The following ZGPAT variants were observed in gnomAD, a reference collection of about 807,000 sequenced individuals.
ZGPAT encodes zinc finger CCCH-type and G-patch domain containing, also known as zinc finger CCCH-type with G patch domain-containing protein.
A neutral mutation model predicts 47.9 loss-of-function variants in ZGPAT; 39 were observed. That is an observed-to-expected ratio of 0.81 (90% confidence interval 0.63 to 1.06). ZGPAT has a LOEUF of 1.06. Among genes scored for constraint, ZGPAT ranks in the 50% least tolerant of loss-of-function variants. The pLI is 0.00. For missense variants in ZGPAT, 717 were observed against 681.4 expected (o/e 1.05, Z -0.58); for synonymous variants, 348 against 292.9 (o/e 1.19, Z -1.92).
At chr20:63,710,175 C>CA (rs2091650065) in intron 2 of ZGPAT, among the ~76,000 whole-genome samples, 2 of 116,100 alleles carry the variant, frequency 1.7e-5, no homozygotes, top group Admixed American at 1.9e-4. Flanking sequence ...TTTTTGGAGA[C>CA]AGAGTTTCAC....
intron 1 of ZGPAT, chr20:63,708,324 A>G (rs927324531): frequency 3.9e-6 from 1 of 253,542 alleles, no homozygotes; most frequent in Non-Finnish European, 7.5e-6. Flanking sequence ...CCCCGCGGGG[A>G]AGGGGCTCCG....
Position 63,735,563 on chromosome 20 carries a change from C to G in ZGPAT, c.1396C>G (p.Arg466Gly). The change falls in exon 6 of 7, where the codon CGG becomes GGG. Residue 466 changes from arginine to glycine, a missense_variant and splice_region_variant. By Grantham distance (125) the Arg-to-Gly change is moderately radical. Coordinates refer to ENST00000355969, the MANE Select transcript of ZGPAT (RefSeq NM_181485.3). ...GGAGGCTCTCGCCCGCAACGCTGGC[C>G]GGTACGTGTGGGGCCCAGCTCAGGG... ...IQEALARNAG[R>G]HSVASAQLQE... The G allele has an allele frequency of 6.6e-7, 1 of 1,513,696 alleles. No individual in the cohort carries two copies. The highest frequency in any genetic ancestry group is 1.3e-5 in the South Asian group (1 of 74,990). The allele number at this position is 1,513,696 out of a possible 1,614,324, so 93.8% of individuals were successfully genotyped here.
In ZGPAT at chr20:63,733,751, G is replaced by A; in HGVS notation, c.871+12G>A. The A allele has an allele frequency of 1.2e-6, 2 of 1,601,488 alleles. No individual in the cohort carries two copies. Among genetic ancestry groups the A allele is most frequent in the Non-Finnish European group, 1.7e-6 (2 of 1,172,704 alleles). On this transcript the variant is annotated intron_variant, in intron 4 of 6. Transcript: ENST00000355969. ...CAGCTATGCCAGAGGTATGGCAGCA[G>A]CTGCGGAGCCCAGGAGCCAGGAAGG...
Position 63,709,038 on chromosome 20 carries a change from T to G in ZGPAT, c.458T>G (p.Val153Gly), listed in dbSNP as rs780078001. ...CTGGAGTATCACAACGCCATGGTGGTGGGAACGGAAGAGGCGGAGGATGGC... is the reference window on the plus strand; with the variant it reads ...CTGGAGTATCACAACGCCATGGTGGGGGGAACGGAAGAGGCGGAGGATGGC... ...GTLEYHNAMV[V>G]GTEEAEDGSA... Residue 153 changes from valine (V) to glycine (G), a missense_variant, in exon 2 of 7, where the codon GTG becomes GGG. By Grantham distance (109) the Val-to-Gly change is moderately radical. Transcript: ENST00000355969. 1 of 1,613,552 alleles carries G rather than the reference T, an allele frequency of 6.2e-7. No individual in the cohort carries two copies. The highest frequency in any genetic ancestry group is 1.7e-5 in the Admixed American group (1 of 60,018).
intron 2 of ZGPAT, among the ~76,000 whole-genome samples, chr20:63,726,665 G>T (rs2091849274): frequency 6.6e-6 from 1 of 151,358 alleles, no homozygotes; most frequent in Admixed American, 6.6e-5. Flanking sequence ...TGGGACTGCA[G>T]GCACCCTCCA....
chr20:63,731,409 G>A (rs1171036814), intron 2 of ZGPAT, among the ~76,000 whole-genome samples: 2 of 151,700 alleles, frequency 1.3e-5, no homozygotes, highest in Non-Finnish European at 2.9e-5. Context: ...CTTGGTGTGT[G>A]TGTATGTGTG....
intron 2 of ZGPAT, among the ~76,000 whole-genome samples, chr20:63,732,454 T>C (rs1232424657): frequency 2.4e-5 from 2 of 83,312 alleles, no homozygotes; most frequent in Non-Finnish European, 4.9e-5. Flanking sequence ...TAGGTAAGGG[T>C]GCTTGTGTGC....
chr20:63,735,568 C>T lies in ZGPAT; in HGVS notation c.1397+4C>T, dbSNP rs372604095. ...CTCTCGCCCGCAACGCTGGCCGGTA[C>T]GTGTGGGGCCCAGCTCAGGGCAAAG... On this transcript the variant is annotated splice_donor_region_variant and intron_variant, in intron 6 of 6. Transcript: ENST00000355969. 30 of 1,512,546 alleles carry T rather than the reference C, an allele frequency of 2.0e-5. No homozygotes were observed. The African/African-American group carries it at 2.5e-4, about 13-fold the overall frequency. The allele number at this position is 1,512,546 out of a possible 1,614,324, so 93.7% of individuals were successfully genotyped here.
chr20:63,711,526 G>T (rs2091667697), intron 2 of ZGPAT, among the ~76,000 whole-genome samples: 1 of 152,026 alleles, frequency 6.6e-6, no homozygotes, highest in African/African-American at 2.4e-5. Context: ...TGATCTGAAA[G>T]CTTCCGGAGC....
chr20:63,729,034 CTTT>C (rs1054928363), intron 2 of ZGPAT, among the ~76,000 whole-genome samples: 3 of 139,530 alleles, frequency 2.2e-5, no homozygotes, highest in Admixed American at 7.1e-5. Context: ...TTCTTTTTTT[CTTT>C]TTTTTTTTTT....
chr20:63,731,991 T>C (rs1237581090), intron 2 of ZGPAT, among the ~76,000 whole-genome samples: 1 of 152,242 alleles, frequency 6.6e-6, no homozygotes, highest in African/African-American at 2.4e-5. Flanking sequence ...CCTTGGATTT[T>C]GGTTTGCACA....
In ZGPAT at chr20:63,735,808, G is replaced by C. The variant is rs766704368; in HGVS notation, c.1425G>C (p.Gln475His). 37 of 1,610,788 alleles carry C rather than the reference G, an allele frequency of 2.3e-5. No individual in the cohort carries two copies. The South Asian group carries it at 4.1e-4, about 18-fold the overall frequency. ...GRHSVASAQL[Q>H]EKLAGAQRQL... Reference sequence around the variant, plus strand: ...ATAGCGTGGCGTCAGCCCAGCTGCAGGAGAAGCTGGCAGGAGCCCAGCGCC... The same window carrying C: ...ATAGCGTGGCGTCAGCCCAGCTGCACGAGAAGCTGGCAGGAGCCCAGCGCC... The change falls in exon 7 of 7, where the codon CAG becomes CAC. Residue 475 changes from glutamine (Q) to histidine (H), a missense_variant. Coordinates refer to ENST00000355969, the MANE Select transcript of ZGPAT (RefSeq NM_181485.3).
intron 2 of ZGPAT, among the ~76,000 whole-genome samples, chr20:63,721,576 G>T (rs780149948): frequency 1.3e-5 from 2 of 152,110 alleles, no homozygotes; most frequent in Non-Finnish European, 2.9e-5. Flanking sequence ...TGGCCTTCTG[G>T]ATTTCCAAGC....
At position 63,734,687 on chromosome 20, in the gene ZGPAT, T is replaced by C. The variant is rs201732460; in HGVS notation, c.872-18T>C. 106 of 1,612,864 alleles carry C rather than the reference T, an allele frequency of 6.6e-5. No homozygotes were observed. The highest frequency in any genetic ancestry group is 7.3e-5 in the Non-Finnish European group (86 of 1,179,482). On this transcript the variant is annotated intron_variant, in intron 4 of 6. Coordinates refer to ENST00000355969, the MANE Select transcript of ZGPAT (RefSeq NM_181485.3). ...GTGGACTCTGCACAGTCCTCTGCCC[T>C]CTGTCCGTCTCTTGCAGTGGTGGGG... is the stretch of plus-strand genomic sequence containing the variant.
chr20:63,735,028 A>G (rs1442633784), intron 5 of ZGPAT, 131 bp from the exon 6 acceptor site: 2 of 1,297,848 alleles, frequency 1.5e-6, no homozygotes, highest in African/African-American at 1.7e-5. Flanking sequence ...CCAGGGTCCT[A>G]CGGCCACAGC....
chr20:63,729,557 T>C (rs559829047), intron 2 of ZGPAT, among the ~76,000 whole-genome samples: 1 of 152,330 alleles, frequency 6.6e-6, no homozygotes, highest in East Asian at 1.9e-4. Flanking sequence ...CCATCTGTGA[T>C]GCTTCCTCTG....
At chr20:63,724,260 G>A (rs550213693) in intron 2 of ZGPAT, among the ~76,000 whole-genome samples, 1 of 151,574 alleles carries the variant, frequency 6.6e-6, no homozygotes, top group East Asian at 1.9e-4. Flanking sequence ...CAGCTACTCG[G>A]GAGGCTGAGG....
intron 2 of ZGPAT, among the ~76,000 whole-genome samples, chr20:63,719,407 A>T (rs2091765061): frequency 1.3e-5 from 2 of 152,132 alleles, no homozygotes; most frequent in East Asian, 1.9e-4. Context: ...GCATACATTG[A>T]TGTGCTTCAT....
chr20:63,735,781 G>T lies in ZGPAT; in HGVS notation c.1398G>T (p.Arg466=), dbSNP rs1375653634. ...IQEALARNAG[R]HSVASAQLQE... ...CGCTGACTAGTGAGCCCCTCCGCAGGCATAGCGTGGCGTCAGCCCAGCTGC... is the reference window on the plus strand; with the variant it reads ...CGCTGACTAGTGAGCCCCTCCGCAGTCATAGCGTGGCGTCAGCCCAGCTGC... The change falls in exon 7 of 7, where the codon CGG becomes CGT. Residue 466 remains arginine (R), a splice_region_variant and synonymous_variant. Coordinates refer to ENST00000355969, the MANE Select transcript of ZGPAT (RefSeq NM_181485.3). The T allele has an allele frequency of 6.3e-7, 1 of 1,598,644 alleles. No individual in the cohort carries two copies. The highest frequency in any genetic ancestry group is 1.7e-5 in the Admixed American group (1 of 57,348).
Sources: allele counts gnomAD v4.1 joint callset (sites outside exome capture counted in the v4.1 genomes callset), GRCh38; gene constraint gnomAD v4.1.1; transcripts MANE v1.5; gene names NCBI Gene and HGNC (gene_info 2026-07-23, HGNC 2026-07-21).